MAGI1: variants seen among roughly 807,000 people sequenced by gnomAD.
MAGI1 encodes membrane associated guanylate kinase, WW and PDZ domain containing 1.
In MAGI1, 58 loss-of-function variants were observed where a neutral mutation model predicts 139.9. The ratio of observed to expected loss-of-function variants is 0.41; its 90% confidence interval spans 0.34 to 0.52. The LOEUF (loss-of-function observed/expected upper bound fraction) is 0.52. MAGI1 is among the 20% of genes least tolerant of loss of function. The pLI is 0.12. For missense variants in MAGI1, 1,874 were observed against 1,901.6 expected (o/e 0.99, Z 0.27); for synonymous variants, 812 against 737.9 (o/e 1.10, Z -1.63).
chr3:65,657,420 C>T (rs1451737932), intron 1 of MAGI1, among the ~76,000 whole-genome samples: 1 of 141,734 alleles, frequency 7.1e-6, no homozygotes, highest in Non-Finnish European at 1.5e-5. Flanking sequence ...AACAGTGAGA[C>T]CCCCATCTCT....
At chr3:65,461,506 T>TA (rs1949792007) in intron 5 of MAGI1, among the ~76,000 whole-genome samples, 2 of 146,136 alleles carry the variant, frequency 1.4e-5, no homozygotes, top group African/African-American at 5.2e-5. Context: ...TTTTTTTTTT[T>TA]AAGACAGAGT....
At chr3:65,691,750 T>A (rs527761174) in intron 1 of MAGI1, among the ~76,000 whole-genome samples, 1 of 152,284 alleles carries the variant, frequency 6.6e-6, no homozygotes, top group Admixed American at 6.5e-5. Context: ...GAAGTTATAC[T>A]GTCAGCATTA....
chr3:65,837,257 C>T (rs533425665), intron 1 of MAGI1, among the ~76,000 whole-genome samples: 1 of 152,360 alleles, frequency 6.6e-6, no homozygotes, highest in South Asian at 2.1e-4. Flanking sequence ...GTGTGCCTGC[C>T]TGGCGCTGCC....
At chr3:65,625,478 T>A (rs536011835) in intron 1 of MAGI1, among the ~76,000 whole-genome samples, 2 of 152,202 alleles carry the variant, frequency 1.3e-5, no homozygotes, top group African/African-American at 4.8e-5. Flanking sequence ...AGCTGGTGAG[T>A]CTGAGAACAG....
intron 1 of MAGI1, among the ~76,000 whole-genome samples, chr3:65,897,423 A>C (rs1213250153): frequency 6.6e-6 from 1 of 151,536 alleles, no homozygotes; most frequent in Admixed American, 6.6e-5. Context: ...AACAACGAGA[A>C]CACTTGGACA....
intron 1 of MAGI1, among the ~76,000 whole-genome samples, chr3:65,675,564 A>C (rs959352453): frequency 1.3e-5 from 2 of 152,202 alleles, no homozygotes; most frequent in African/African-American, 4.8e-5. Context: ...TGAATTCACC[A>C]GTGTATTAAA....
intron 1 of MAGI1, among the ~76,000 whole-genome samples, chr3:65,737,756 G>T (rs1220529198): frequency 6.6e-6 from 1 of 152,166 alleles, no homozygotes; most frequent in African/African-American, 2.4e-5. Flanking sequence ...ATGAGGAAGT[G>T]AGATCACTAA....
At chr3:65,401,362 C>A (rs1235647912) in intron 13 of MAGI1, 77 bp downstream of exon 13, 2 of 1,487,800 alleles carry the variant, frequency 1.3e-6, no homozygotes, top group Non-Finnish European at 1.8e-6. Context: ...TGAAGCCACA[C>A]AGAGTACCCT....
chr3:65,710,269 CTTTTT>C (rs1175790063), intron 1 of MAGI1, among the ~76,000 whole-genome samples: 8 of 66,908 alleles, frequency 1.2e-4, no homozygotes, highest in East Asian at 4.4e-4. Context: ...CCTTACATTT[CTTTTT>C]TTTTTTTTTT....
intron 2 of MAGI1, among the ~76,000 whole-genome samples, chr3:65,511,051 A>T (rs1202513805): frequency 2.2e-4 from 33 of 147,408 alleles, no homozygotes; most frequent in Non-Finnish European, 2.1e-4. Context: ...ATCCAGCCAA[A>T]CTAAGCTTCA....
At chr3:65,470,172 C>A in intron 5 of MAGI1, 111 bp downstream of exon 5, 1 of 669,620 alleles carries the variant, frequency 1.5e-6, no homozygotes, top group Non-Finnish European at 2.5e-6. Context: ...AAAATACCAT[C>A]AGTGGGTGAT....
At chr3:65,917,988 G>A (rs1260416794) in intron 1 of MAGI1, among the ~76,000 whole-genome samples, 2 of 152,200 alleles carry the variant, frequency 1.3e-5, no homozygotes, top group African/African-American at 4.8e-5. Flanking sequence ...CCTTGGTGGG[G>A]GACGTTGATA....
At chr3:65,627,153 C>A (rs892415287) in intron 1 of MAGI1, among the ~76,000 whole-genome samples, 1 of 152,118 alleles carries the variant, frequency 6.6e-6, no homozygotes, top group African/African-American at 2.4e-5. Flanking sequence ...AAATACTTAC[C>A]ATTGTGTTAC....
At chr3:65,371,457 G>A (rs933842327) in intron 18 of MAGI1, among the ~76,000 whole-genome samples, 2 of 152,196 alleles carry the variant, frequency 1.3e-5, no homozygotes, top group Non-Finnish European at 1.5e-5. Flanking sequence ...CCTTCAGTGA[G>A]TTGTAATCTT....
chr3:65,778,437 A>T (rs2038651668), intron 1 of MAGI1, among the ~76,000 whole-genome samples: 3 of 131,348 alleles, frequency 2.3e-5, no homozygotes, highest in African/African-American at 9.2e-5. Context: ...TCTCAAAAAA[A>T]AAAAAAATAA....
intron 1 of MAGI1, among the ~76,000 whole-genome samples, chr3:65,813,257 G>C (rs1481222685): frequency 6.6e-6 from 1 of 152,016 alleles, no homozygotes; most frequent in Admixed American, 6.6e-5. Context: ...CATGAATCTA[G>C]CATGGATTGG....
chr3:65,657,534 T>A (rs533383478), intron 1 of MAGI1, among the ~76,000 whole-genome samples: 1 of 152,170 alleles, frequency 6.6e-6, no homozygotes, highest in African/African-American at 2.4e-5. Flanking sequence ...TGGAAAGCTG[T>A]AGGAAGCTAC....
rs1417146850 is a variant in MAGI1, at chr3:65,448,158, C to G, written c.1043-101G>C. 10 of 1,025,722 alleles carry G rather than the reference C, an allele frequency of 9.7e-6. No homozygotes were observed. In the African/African-American group the frequency reaches 1.6e-4, roughly 16 times the overall value. The allele number at this position is 1,025,722 out of a possible 1,614,324, so 63.5% of individuals were successfully genotyped here. A position where few individuals can be genotyped will look rare whatever the true frequency, so the allele number is the denominator to read the frequency against. On this transcript the variant is annotated intron_variant, in intron 6 of 22. Coordinates refer to ENST00000402939, the MANE Select transcript of MAGI1 (RefSeq NM_001033057.2). Reference sequence around the variant, plus strand: ...ATCTCCTCAGGAAAACAGCAGCAAACACATCACTCTAGTTCATCCTTACCT... The same window carrying G: ...ATCTCCTCAGGAAAACAGCAGCAAAGACATCACTCTAGTTCATCCTTACCT...
intron 1 of MAGI1, among the ~76,000 whole-genome samples, chr3:65,996,791 A>T (rs557640739): frequency 6.6e-6 from 1 of 152,322 alleles, no homozygotes; most frequent in African/African-American, 2.4e-5. Flanking sequence ...GTTTCATATC[A>T]TTCTTTCTAG....
Sources: gnomAD v4.1 joint callset for allele counts (sites outside exome capture counted in the v4.1 genomes callset) on GRCh38, gnomAD v4.1.1 for gene constraint, MANE v1.5 for transcripts, NCBI Gene and HGNC (gene_info 2026-07-23, HGNC 2026-07-21) for gene names.